Variants in TMPRSS15 observed in about 807,000 individuals in gnomAD.
TMPRSS15 encodes enteropeptidase.
In TMPRSS15, 128 loss-of-function variants were observed where a neutral mutation model predicts 125.3. The observed-to-expected ratio is 1.02, with a 90% confidence interval of 0.89 to 1.18. TMPRSS15 has a LOEUF of 1.18. Among genes scored for constraint, TMPRSS15 ranks in the 50% most tolerant of loss-of-function variants. The probability of loss-of-function intolerance (pLI) is 0.00; values close to 1 mark genes in which losing one functional copy is unlikely to be tolerated. For missense variants in TMPRSS15, 1,283 were observed against 1,212.7 expected (o/e 1.06, Z -0.86); for synonymous variants, 446 against 423.2 (o/e 1.05, Z -0.66).
chr21:18,344,816 G>C (rs554551933), intron 10 of TMPRSS15, among the ~76,000 whole-genome samples: 243 of 152,232 alleles, frequency 1.6e-3, no homozygotes, highest in Non-Finnish European at 2.9e-3. Context: ...ATTATGACAG[G>C]AAGCGAGAAT....
intron 1 of TMPRSS15, among the ~76,000 whole-genome samples, chr21:18,452,529 G>A (rs1445164986): frequency 1.3e-5 from 2 of 152,130 alleles, no homozygotes; most frequent in Non-Finnish European, 2.9e-5. Flanking sequence ...ATCCGGGCAT[G>A]GTGGTGGGCA....
At chr21:18,481,983 T>C (rs956181887) in intron 1 of TMPRSS15, among the ~76,000 whole-genome samples, 1 of 151,722 alleles carries the variant, frequency 6.6e-6, no homozygotes, top group Non-Finnish European at 1.5e-5. Flanking sequence ...TATGACTGAA[T>C]AGTAATAATT....
intron 1 of TMPRSS15, among the ~76,000 whole-genome samples, chr21:18,440,149 C>T (rs572353101): frequency 1.3e-5 from 2 of 151,530 alleles, no homozygotes; most frequent in Non-Finnish European, 2.9e-5. Context: ...CCGAGACGGG[C>T]GGATCACGAG....
intron 13 of TMPRSS15, among the ~76,000 whole-genome samples, chr21:18,340,187 G>A (rs1488385639): frequency 2.0e-5 from 3 of 152,162 alleles, no homozygotes; most frequent in African/African-American, 7.2e-5. Flanking sequence ...CTCAGTCTGG[G>A]TAGGCACAAT....
chr21:18,277,227 C>T (rs2074633218), intron 23 of TMPRSS15, among the ~76,000 whole-genome samples: 1 of 151,984 alleles, frequency 6.6e-6, no homozygotes, highest in Non-Finnish European at 1.5e-5. Context: ...GGCTCCATAC[C>T]ACTCTTAGAG....
chr21:18,473,805 G>A (rs1216134571), intron 1 of TMPRSS15, among the ~76,000 whole-genome samples: 3 of 151,946 alleles, frequency 2.0e-5, no homozygotes, highest in Non-Finnish European at 2.9e-5. Context: ...ATTAAGTAAG[G>A]AGATTTTTTA....
In TMPRSS15 at chr21:18,403,530, G is replaced by A. The variant is rs767684369; in HGVS notation, c.93C>T (p.Leu31=). 9 of 1,614,152 alleles carry A rather than the reference G, an allele frequency of 5.6e-6. No homozygotes were observed. The highest frequency in any genetic ancestry group is 7.6e-6 in the Non-Finnish European group (9 of 1,180,022). The change falls in exon 1 of 25, where the codon CTC becomes CTT. Residue 31 remains leucine (L), a synonymous_variant. Coordinates refer to ENST00000284885, the MANE Select transcript of TMPRSS15 (RefSeq NM_002772.3). ...AGGATACTGCAATTAATCCAGCACA[G>A]AGCACTACCAATATGGCAAAGAGAG... ...FAALFAILVV[L]CAGLIAVSCL... is the part of the protein sequence containing the mutation.
intron 1 of TMPRSS15, among the ~76,000 whole-genome samples, chr21:18,440,190 C>T (rs1353281834): frequency 3.3e-5 from 5 of 151,122 alleles, no homozygotes; most frequent in South Asian, 2.1e-4. Flanking sequence ...CTGGCTAACA[C>T]GGTGAAACCT....
intron 16 of TMPRSS15, among the ~76,000 whole-genome samples, chr21:18,324,410 A>C (rs2146958020): frequency 6.6e-6 from 1 of 152,226 alleles, no homozygotes. Context: ...TAGACCAGAA[A>C]ACTAGGTGGT....
rs751334435 is a variant in TMPRSS15, at chr21:18,366,256, A to T, written c.665-1008T>A. Among the ~76,000 whole-genome samples the T allele has an allele frequency of 2.0e-5, 3 of 152,212 alleles. No individual in the cohort carries two copies. The South Asian group carries it at 6.2e-4, about 32-fold the overall frequency. On this transcript the variant is annotated intron_variant, in intron 6 of 24. Coordinates refer to ENST00000284885, the MANE Select transcript of TMPRSS15 (RefSeq NM_002772.3). The stretch of plus-strand genomic sequence containing the variant: ...GAAAAAGATTAGAATAAGGCCAGGA[A>T]AATGTTAGTACTAGTGGCCTATACA...
chr21:18,287,703 T>TA lies in TMPRSS15; in HGVS notation c.2487-6483dup, dbSNP rs1206232697. 3.3e-5 allele frequency among the ~76,000 whole-genome samples: 5 copies of TA among 152,204 alleles called. 1 individual carries two copies. The highest frequency in any genetic ancestry group is 7.3e-5 in the Non-Finnish European group (5 of 68,032). On this transcript the variant is annotated intron_variant, in intron 21 of 24. Coordinates refer to ENST00000284885, the MANE Select transcript of TMPRSS15 (RefSeq NM_002772.3). ...TGCACGATATAGGTCAAGAGAGACTTACAGGAAACACAATTTTACAGGGAA... is the reference window on the plus strand; with the variant it reads ...TGCACGATATAGGTCAAGAGAGACTTAACAGGAAACACAATTTTACAGGGAA...
At chr21:18,388,784 C>T (rs8130332) in intron 3 of TMPRSS15, among the ~76,000 whole-genome samples, 1,817 of 152,182 alleles carry the variant, frequency 0.012, 31 homozygotes, top group African/African-American at 0.041. Flanking sequence ...AAAACTTTCC[C>T]GTGTAATGTT....
chr21:18,323,300 C>T (rs1365471761), intron 16 of TMPRSS15, among the ~76,000 whole-genome samples: 1 of 152,190 alleles, frequency 6.6e-6, no homozygotes, highest in Admixed American at 6.5e-5. Flanking sequence ...AATTAATGGA[C>T]TTGCTGTTCC....
At chr21:18,380,802 A>C (rs2075886316) in intron 4 of TMPRSS15, among the ~76,000 whole-genome samples, 1 of 152,148 alleles carries the variant, frequency 6.6e-6, no homozygotes, top group Non-Finnish European at 1.5e-5. Flanking sequence ...TTACTTATGC[A>C]AAAAGTTTGC....
intron 3 of TMPRSS15, among the ~76,000 whole-genome samples, chr21:18,394,926 A>G (rs1049613042): frequency 2.0e-5 from 3 of 152,202 alleles, no homozygotes; most frequent in African/African-American, 7.2e-5. Context: ...TTCATAGAAG[A>G]GTAACACATG....
In TMPRSS15 at chr21:18,281,189, A is replaced by T. The variant is rs1220372360; in HGVS notation, c.2519T>A (p.Ile840Asn). Residue 840 changes from isoleucine to asparagine, a missense_variant, in exon 22 of 25, where the codon ATC (isoleucine) becomes AAC (asparagine). Coordinates refer to ENST00000284885, the MANE Select transcript of TMPRSS15 (RefSeq NM_002772.3). ...ATTTGATTTCATATGCAGGCCTAGG[A>T]TTGCTGTCCACTTGGATGGCTCTAA... is the stretch of plus-strand genomic sequence containing the variant. ...RNLEPSKWTAILGLHMKSNLT... is the reference protein window; with the variant it reads ...RNLEPSKWTANLGLHMKSNLT... 1 of 1,614,054 alleles carries T rather than the reference A, an allele frequency of 6.2e-7. No homozygotes were observed. The highest frequency in any genetic ancestry group is 8.5e-7 in the Non-Finnish European group (1 of 1,180,002).
At chr21:18,373,471 T>C (rs1046567087) in intron 5 of TMPRSS15, among the ~76,000 whole-genome samples, 5 of 152,136 alleles carry the variant, frequency 3.3e-5, no homozygotes, top group African/African-American at 1.2e-4. Flanking sequence ...TATTATTTAA[T>C]AAACTCAAAT....
At chr21:18,461,361 G>A (rs1272256460) in intron 1 of TMPRSS15, among the ~76,000 whole-genome samples, 1 of 152,012 alleles carries the variant, frequency 6.6e-6, no homozygotes, top group African/African-American at 2.4e-5. Context: ...CTTGACTGTA[G>A]CACTCACATA....
intron 1 of TMPRSS15, among the ~76,000 whole-genome samples, chr21:18,402,952 C>G (rs535761137): frequency 9.7e-4 from 147 of 152,184 alleles, no homozygotes; most frequent in African/African-American, 2.8e-3. Context: ...AGTTGCTACT[C>G]AGTTTGTGAC....
Sources: allele counts gnomAD v4.1 joint callset (sites outside exome capture counted in the v4.1 genomes callset), GRCh38; gene constraint gnomAD v4.1.1; transcripts MANE v1.5; gene names NCBI Gene and HGNC (gene_info 2026-07-23, HGNC 2026-07-21).